NLE1: variants seen among roughly 807,000 people sequenced by gnomAD.
The protein encoded by NLE1 is notchless protein homolog 1.
Under a neutral mutation model 62.8 loss-of-function variants are expected in NLE1, and 37 were observed. The ratio of observed to expected loss-of-function variants is 0.59; its 90% CI spans 0.45 to 0.78. The LOEUF is 0.78. NLE1 is among the 30% of genes least tolerant of loss of function. The pLI is 0.00. For synonymous variants in NLE1, 243 were observed against 253.0 expected, an observed-to-expected ratio of 0.96 and a Z score of 0.37; for missense variants, 555 against 637.9, an observed-to-expected ratio of 0.87 and a Z score of 1.40.
In NLE1 at chr17:35,139,882, G is replaced by GCCTCA. The variant is rs1567747346; in HGVS notation, c.342_346dup (p.Ala116ValfsTer92). ...AGGGCTGAAGGCCACAGAAATGACT[G>GCCTCA]CCTCACTGTGACCCTCCAAGGAGCT... On this transcript the variant is annotated frameshift_variant, in exon 3 of 13. Transcript: ENST00000442241. LOFTEE classifies it high-confidence loss of function. 1 of 1,613,704 alleles carries GCCTCA rather than the reference G, an allele frequency of 6.2e-7. No individual in the cohort carries two copies. The highest frequency in any genetic ancestry group is 1.1e-5 in the South Asian group (1 of 91,064).
Position 35,130,834 on chromosome 17 carries a change from A to G in NLE1, c.*1603T>C, listed in dbSNP as rs909587426. The G allele has an allele frequency of 5.8e-6, 1 of 171,632 alleles. No homozygotes were observed. The highest frequency in any genetic ancestry group is 1.3e-5 in the Non-Finnish European group (1 of 79,652). 10.6% of individuals were successfully genotyped at this position (171,632 alleles called of 1,614,324 possible). On this transcript the variant is annotated 3_prime_UTR_variant, in exon 13 of 13. Coordinates refer to ENST00000442241, the MANE Select transcript of NLE1 (RefSeq NM_018096.5). ...GAGTCTACATGGGTGGGGAGATAGA[A>G]AACAGGCAGCTAGGCAATAGGATGC...
At position 35,132,340 on chromosome 17, in the gene NLE1, G is replaced by A; in HGVS notation, c.*97C>T. The stretch of plus-strand genomic sequence containing the variant: ...TTCTCAGGTCCCCACTGGTGGGGAG[G>A]GTGTGTGCACTGCCATCTCAGCCTT... On this transcript the variant is annotated 3_prime_UTR_variant, in exon 13 of 13. Transcript: ENST00000442241. 5.5e-6 allele frequency: 6 copies of A among 1,097,010 alleles called. No homozygotes were observed. The highest frequency in any genetic ancestry group is 7.4e-6 in the Non-Finnish European group (6 of 808,276). 68.0% of individuals were successfully genotyped at this position (1,097,010 alleles called of 1,614,324 possible).
At chr17:35,139,100 ACCCAGGAGTTCAAGGCTTGAG>A (rs988078644) in intron 4 of NLE1, 114 bp downstream of exon 4, 43 of 667,254 alleles carry the variant, frequency 6.4e-5, no homozygotes, top group African/African-American at 5.6e-4. Context: ...GACTGCTTGA[ACCCAGGAGTTCAAGGCTTGAG>A]CCCAGGAGTT....
Position 35,137,905 on chromosome 17 carries a change from G to GA in NLE1, c.461-16dup, listed in dbSNP as rs1567746557. ...GTGTCTGTGTCCTAAGAAAGCAGAGGAGGGAGAAATAAGGGACTACATCTG... is the reference window on the plus strand; with the variant it reads ...GTGTCTGTGTCCTAAGAAAGCAGAGGAAGGGAGAAATAAGGGACTACATCTG... On this transcript the variant is annotated splice_polypyrimidine_tract_variant and intron_variant, in intron 4 of 12. Transcript: ENST00000442241. 1 of 1,604,576 alleles carries GA rather than the reference G, an allele frequency of 6.2e-7. No individual in the cohort carries two copies. The highest frequency in any genetic ancestry group is 1.1e-5 in the South Asian group (1 of 90,790).
intron 10 of NLE1, among the ~76,000 whole-genome samples, chr17:35,134,589 AG>A (rs1432033164): frequency 6.6e-6 from 1 of 152,042 alleles, no homozygotes; most frequent in Non-Finnish European, 1.5e-5. Flanking sequence ...TAGTAGAGAC[AG>A]GGTTTTGCCA....
At chr17:35,141,414 C>T (rs2091942818) in intron 2 of NLE1, among the ~76,000 whole-genome samples, 2 of 152,078 alleles carry the variant, frequency 1.3e-5, no homozygotes, top group Non-Finnish European at 2.9e-5. Flanking sequence ...GGTGTGGTGG[C>T]GCGCGCCTGT....
chr17:35,133,133 G>C (rs367759894), intron 12 of NLE1, 38 bp downstream of exon 12: 22 of 1,586,316 alleles, frequency 1.4e-5, no homozygotes, highest in Non-Finnish European at 1.8e-5. Context: ...AGGGGTAGGA[G>C]GGCTGTGTAT....
intron 3 of NLE1, 36 bp downstream of exon 3, chr17:35,139,813 C>A: frequency 6.2e-7 from 1 of 1,601,334 alleles, no homozygotes; most frequent in Non-Finnish European, 8.5e-7. Context: ...ACTGCACCCC[C>A]ACATACCCCC....
rs754264378 is a variant in NLE1 at position 35,130,065 on chromosome 17, A to AG, written c.*2371dup. On this transcript the variant is annotated 3_prime_UTR_variant, in exon 13 of 13. Transcript: ENST00000442241. ...AGGGGTATGGGGGTATAGAGGCCTG[A>AG]GTACAGACAGCCCTTTGGTTGGAAA... 4.2e-6 allele frequency: 6 copies of AG among 1,416,168 alleles called. No homozygotes were observed. The highest frequency in any genetic ancestry group is 5.5e-6 in the Non-Finnish European group (6 of 1,089,860). The allele number at this position is 1,416,168 out of a possible 1,614,324, so 87.7% of individuals were successfully genotyped here.
At position 35,129,974 on chromosome 17, in the gene NLE1, T is replaced by C. The variant is rs2091866533; in HGVS notation, c.*2463A>G. ...TGAGTAGGCTGGGAAGTCAAGGGCA[T>C]TGAAAGAAATAGGGAAGACAAGAGG... On this transcript the variant is annotated 3_prime_UTR_variant, in exon 13 of 13. Transcript: ENST00000442241. 1.5e-6 allele frequency: 2 copies of C among 1,369,300 alleles called. No homozygotes were observed. The highest frequency in any genetic ancestry group is 1.9e-6 in the Non-Finnish European group (2 of 1,061,974). The allele number at this position is 1,369,300 out of a possible 1,614,324, so 84.8% of individuals were successfully genotyped here.
intron 5 of NLE1, 72 bp from the exon 6 acceptor site, chr17:35,137,712 C>CTT: frequency 7.9e-7 from 1 of 1,262,428 alleles, no homozygotes; most frequent in Non-Finnish European, 1.2e-6. Context: ...CTGCCTACCA[C>CTT]TTCCCACCCA....
chr17:35,135,047 G>A (rs1444319750), intron 10 of NLE1: 7 of 670,852 alleles, frequency 1.0e-5, no homozygotes, highest in Non-Finnish European at 1.9e-5. Context: ...AGGTGACAGA[G>A]TGAAAGTCAT....
chr17:35,133,199 T>C lies in NLE1; in HGVS notation c.1417A>G (p.Ser473Gly). The change falls in exon 12 of 13, where the codon AGT becomes GGT. Residue 473 changes from serine to glycine, a missense_variant. Ser to Gly is a moderately conservative substitution (Grantham distance 56). Transcript: ENST00000442241. ...CGGAGGCATTTGTCCTTCCCACCACTTGCCACTCTCTGGCCATCTGGACTC... is the reference window on the plus strand; with the variant it reads ...CGGAGGCATTTGTCCTTCCCACCACCTGCCACTCTCTGGCCATCTGGACTC... ...DWSPDGQRVA[S>G]GGKDKCLRIW... 1 of 1,614,174 alleles carries C rather than the reference T, an allele frequency of 6.2e-7. No individual in the cohort carries two copies.
In NLE1 at chr17:35,130,380, C is replaced by A. The variant is rs144708359; in HGVS notation, c.*2057G>T. On this transcript the variant is annotated 3_prime_UTR_variant, in exon 13 of 13. Coordinates refer to ENST00000442241, the MANE Select transcript of NLE1 (RefSeq NM_018096.5). The stretch of plus-strand genomic sequence containing the variant: ...AACCCCGGCAAAAGATCGTGTCCAT[C>A]GGGCCGGAGGAGATGCGGAGGCTGG... 3.7e-6 allele frequency: 6 copies of A among 1,614,092 alleles called. No homozygotes were observed. The highest frequency in any genetic ancestry group is 5.1e-6 in the Non-Finnish European group (6 of 1,180,000).
chr17:35,137,186 CAG>C lies in NLE1; in HGVS notation c.641_642del (p.Pro214ArgfsTer25), dbSNP rs1259955415. On this transcript the variant is annotated frameshift_variant, in exon 7 of 13. Coordinates refer to ENST00000442241, the MANE Select transcript of NLE1 (RefSeq NM_018096.5). LOFTEE classifies it high-confidence loss of function. Reference sequence around the variant, plus strand: ...GAGCTGCTGGCCACATAGCGGCACTCAGGGTTCCTGGAGAGAAGGGAGATGTG... The same window carrying C: ...GAGCTGCTGGCCACATAGCGGCACTCGGTTCCTGGAGAGAAGGGAGATGTG... ...GLSWEPLHAN[P>X]ECRYVASSSK... 2 of 1,607,218 alleles carry C rather than the reference CAG, an allele frequency of 1.2e-6. No individual in the cohort carries two copies. Among genetic ancestry groups the C allele is most frequent in the Admixed American group, 3.3e-5 (2 of 59,776 alleles).
chr17:35,136,142 G>T (rs372028342), intron 9 of NLE1, 27 bp downstream of exon 9: 6 of 1,612,990 alleles, frequency 3.7e-6, no homozygotes, highest in East Asian at 4.5e-5. Context: ...ACAGAGCTAG[G>T]GGTGCACGTG....
Position 35,137,600 on chromosome 17 carries a change from C to T in NLE1, c.578G>A (p.Arg193Lys). ...CCACTTGCTGTGGCCAGCGAGGGTCCTGCCCACCTGCTTCCCTGTGCTTGG... is the reference window on the plus strand; with the variant it reads ...CCACTTGCTGTGGCCAGCGAGGGTCTTGCCCACCTGCTTCCCTGTGCTTGG... ...WDPSTGKQVG[R>K]TLAGHSKWIT... The change falls in exon 6 of 13, where the codon AGG (arginine) becomes AAG (lysine). Residue 193 changes from arginine (R) to lysine (K), a missense_variant. Transcript: ENST00000442241. The T allele has an allele frequency of 6.2e-7, 1 of 1,610,826 alleles. No homozygotes were observed. Among genetic ancestry groups the T allele is most frequent in the East Asian group, 2.2e-5 (1 of 44,888 alleles).
At chr17:35,141,420 C>A (rs757845498) in intron 2 of NLE1, among the ~76,000 whole-genome samples, 6 of 152,164 alleles carry the variant, frequency 3.9e-5, no homozygotes, top group Non-Finnish European at 8.8e-5. Context: ...GTGGCGCGCG[C>A]CTGTAGTCCC....
At chr17:35,136,543 C>CAA (rs2091910030) in intron 7 of NLE1, 46 bp from the exon 8 acceptor site, 1 of 1,582,332 alleles carries the variant, frequency 6.3e-7, no homozygotes, top group Non-Finnish European at 8.6e-7. Context: ...CCTCCCCACG[C>CAA]CTGGGCGATT....
Sources: gnomAD v4.1 joint callset for allele counts (sites outside exome capture counted in the v4.1 genomes callset) on GRCh38, gnomAD v4.1.1 for gene constraint, MANE v1.5 for transcripts, NCBI Gene and HGNC (gene_info 2026-07-23, HGNC 2026-07-21) for gene names.